PICALM: variants seen among roughly 807,000 people sequenced by gnomAD.
The protein encoded by PICALM is phosphatidylinositol binding clathrin assembly protein, also known as phosphatidylinositol-binding clathrin assembly protein.
PICALM carries 40 observed loss-of-function variants against 80.5 expected under a neutral mutation model. The ratio of observed to expected loss-of-function variants is 0.50; its 90% CI spans 0.39 to 0.65. The LOEUF is 0.65. PICALM is among the 30% of genes least tolerant of loss of function. PICALM has a pLI of 0.00. For synonymous variants in PICALM, 288 were observed against 260.3 expected (o/e 1.11, Z -1.02); for missense variants, 676 against 778.9 (o/e 0.87, Z 1.57).
At chr11:86,030,567 T>A (rs2095733759) in intron 2 of PICALM, among the ~76,000 whole-genome samples, 1 of 152,218 alleles carries the variant, frequency 6.6e-6, no homozygotes, top group Non-Finnish European at 1.5e-5. Context: ...CAAATAAGTT[T>A]ATTGAGCTGA....
chr11:85,989,140 C>G (rs967974330), intron 13 of PICALM, among the ~76,000 whole-genome samples: 2 of 152,176 alleles, frequency 1.3e-5, no homozygotes, highest in African/African-American at 4.8e-5. Context: ...CATAGCTCTT[C>G]TGATTTTTCT....
At chr11:86,013,322 C>CA (rs922890290) in intron 5 of PICALM, among the ~76,000 whole-genome samples, 13 of 151,334 alleles carry the variant, frequency 8.6e-5, no homozygotes, top group South Asian at 4.2e-4. Flanking sequence ...CTCAAAAAAA[C>CA]AAAAAAAAGA....
intron 1 of PICALM, among the ~76,000 whole-genome samples, chr11:86,063,569 T>G (rs1487391817): frequency 6.6e-6 from 1 of 152,158 alleles, no homozygotes; most frequent in African/African-American, 2.4e-5. Flanking sequence ...TAACTAGACA[T>G]ATCTGGGAGG....
At chr11:86,060,368 A>C (rs1489852332) in intron 1 of PICALM, among the ~76,000 whole-genome samples, 4 of 152,210 alleles carry the variant, frequency 2.6e-5, no homozygotes, top group African/African-American at 9.6e-5. Flanking sequence ...AAAAAACCCC[A>C]CAATTTAGAA....
intron 4 of PICALM, among the ~76,000 whole-genome samples, chr11:86,022,061 G>C (rs1016084043): frequency 2.0e-5 from 3 of 152,136 alleles, no homozygotes; most frequent in Non-Finnish European, 4.4e-5. Context: ...TTTCTTTGTG[G>C]AGGTGATAAA....
chr11:86,018,163 C>T (rs1471088370), intron 4 of PICALM, among the ~76,000 whole-genome samples: 1 of 152,138 alleles, frequency 6.6e-6, no homozygotes, highest in African/African-American at 2.4e-5. Flanking sequence ...TGAGTTCTTA[C>T]CACTATTAAA....
chr11:85,958,667 T>C lies in PICALM; in HGVS notation c.*379A>G, dbSNP rs1395884983. 1 of 248,736 alleles carries C rather than the reference T, an allele frequency of 4.0e-6. No individual in the cohort carries two copies. The highest frequency in any genetic ancestry group is 7.7e-6 in the Non-Finnish European group (1 of 129,400). 15.4% of individuals were successfully genotyped at this position (248,736 alleles called of 1,614,324 possible). The stretch of plus-strand genomic sequence containing the variant: ...ATCCCCCAAAAGAGTCCTGTTGAAA[T>C]ACAGTAAAGGACACAGTTCTTCTCT... On this transcript the variant is annotated 3_prime_UTR_variant, in exon 20 of 20. Transcript: ENST00000393346.
chr11:85,993,279 G>C (rs1472721313), intron 12 of PICALM, among the ~76,000 whole-genome samples: 1 of 151,994 alleles, frequency 6.6e-6, no homozygotes, highest in Non-Finnish European at 1.5e-5. Context: ...TAGAGGCAAG[G>C]TCTTGCCATG....
At chr11:86,000,502 A>AAAG (rs2095109976) in intron 11 of PICALM, 141 bp downstream of exon 11, 1 of 598,858 alleles carries the variant, frequency 1.7e-6, no homozygotes, top group South Asian at 2.5e-5. Context: ...GTATTATACC[A>AAAG]ATATCACCAT....
chr11:85,982,055 A>G (rs1344393325), intron 14 of PICALM, 52 bp from the exon 15 acceptor site: 1 of 1,558,076 alleles, frequency 6.4e-7, no homozygotes, highest in Non-Finnish European at 8.8e-7. Flanking sequence ...TTATGACGCT[A>G]TGGTTTTCTA....
intron 1 of PICALM, among the ~76,000 whole-genome samples, chr11:86,048,124 C>G (rs541187451): frequency 1.3e-5 from 2 of 152,244 alleles, no homozygotes; most frequent in Admixed American, 1.3e-4. Context: ...TTTCCAATCT[C>G]CTGATGCGAA....
chr11:85,982,954 G>C (rs1565281934), intron 14 of PICALM, among the ~76,000 whole-genome samples: 1 of 152,202 alleles, frequency 6.6e-6, no homozygotes, highest in East Asian at 1.9e-4. Flanking sequence ...GTTTGAAAAA[G>C]AAAGTCACCA....
intron 1 of PICALM, among the ~76,000 whole-genome samples, chr11:86,049,414 C>T (rs1420907966): frequency 2.0e-5 from 3 of 152,212 alleles, no homozygotes; most frequent in East Asian, 1.9e-4. Context: ...TGCAGAGCAA[C>T]CCACTCCATT....
At position 85,981,138 on chromosome 11, in the gene PICALM, A is replaced by C. The variant is rs694353; in HGVS notation, c.1770T>G (p.Ala590=). ...AGCTTTTTCAACTCACCATTGTTGC[A>C]GCATTCCAAGCGGTTGTTGGTGCAA... The part of the protein sequence containing the change: ...PKVAPTTAWN[A]ATMAPPVMAY... Residue 590 remains alanine, a synonymous_variant, in exon 17 of 20, where the codon GCT becomes GCG. Transcript: ENST00000393346. 900,849 of 1,539,134 alleles carry C rather than the reference A, an allele frequency of 0.59. 266,035 individuals are homozygous for C. Among genetic ancestry groups the C allele is most frequent in the East Asian group, 0.67 (29,596 of 44,446 alleles).
At chr11:86,053,009 C>T (rs1238784460) in intron 1 of PICALM, among the ~76,000 whole-genome samples, 2 of 152,178 alleles carry the variant, frequency 1.3e-5, no homozygotes, top group Non-Finnish European at 2.9e-5. Context: ...CTTCCCTTAT[C>T]AAAAGCAGTA....
intron 1 of PICALM, among the ~76,000 whole-genome samples, chr11:86,061,330 CA>C (rs58836221): frequency 2.5e-3 from 205 of 81,094 alleles, no homozygotes; most frequent in South Asian, 4.3e-3. Context: ...GACTCCATCT[CA>C]AAAAAAAAAA....
At chr11:86,060,847 C>T (rs1474084649) in intron 1 of PICALM, among the ~76,000 whole-genome samples, 1 of 151,912 alleles carries the variant, frequency 6.6e-6, no homozygotes, top group Non-Finnish European at 1.5e-5. Context: ...CAAATGGTGA[C>T]ATAGAAGACA....
intron 19 of PICALM, 35 bp downstream of exon 19, chr11:85,974,673 A>C: frequency 7.5e-7 from 1 of 1,342,154 alleles, no homozygotes; most frequent in Non-Finnish European, 1.1e-6. Context: ...TTCCAAATCA[A>C]ACACATTACC....
chr11:86,013,357 T>C (rs1023458268), intron 5 of PICALM, among the ~76,000 whole-genome samples: 1 of 152,106 alleles, frequency 6.6e-6, no homozygotes, highest in African/African-American at 2.4e-5. Flanking sequence ...CAGACACCTG[T>C]TGAGAAGTTA....
Sources: gnomAD v4.1 joint callset for allele counts (sites outside exome capture counted in the v4.1 genomes callset) on GRCh38, gnomAD v4.1.1 for gene constraint, MANE v1.5 for transcripts, NCBI Gene and HGNC (gene_info 2026-07-23, HGNC 2026-07-21) for gene names.